The following SUCLA2 variants were observed in gnomAD, a reference collection of about 807,000 sequenced individuals.
The protein encoded by SUCLA2 is succinate-CoA ligase ADP-forming subunit beta.
A neutral mutation model predicts 54.8 loss-of-function variants in SUCLA2; 30 were observed. The observed-to-expected ratio is 0.55, with a 90% CI of 0.41 to 0.74. SUCLA2 has a LOEUF of 0.74. Among genes scored for constraint, SUCLA2 ranks in the 30% least tolerant of loss-of-function variants. The pLI is 0.00. For synonymous variants in SUCLA2, 172 were observed against 188.9 expected, an observed-to-expected ratio of 0.91 and a Z score of 0.74; for missense variants, 476 against 562.9, an observed-to-expected ratio of 0.85 and a Z score of 1.56.
intron 3 of SUCLA2, 59 bp downstream of exon 3, chr13:47,988,823 T>C: frequency 6.3e-7 from 1 of 1,595,306 alleles, no homozygotes; most frequent in Non-Finnish European, 8.6e-7. Context: ...ATCAATTCAA[T>C]AAGTAATCTT....
intron 10 of SUCLA2, chr13:47,945,895 T>TAA (rs1223251404): frequency 6.6e-6 from 1 of 152,272 alleles, no homozygotes; most frequent in Non-Finnish European, 1.5e-5. Flanking sequence ...CCACGCTGTA[T>TAA]AAACTACTCT....
chr13:47,957,426 G>C (rs528552161), intron 6 of SUCLA2, among the ~76,000 whole-genome samples: 139 of 152,248 alleles, frequency 9.1e-4, no homozygotes, highest in African/African-American at 3.3e-3. Flanking sequence ...ATGTGGGCAG[G>C]GAGTCTCAGA....
At position 47,943,248 on chromosome 13, in the gene SUCLA2, G is replaced by A. The variant is rs1004801409; in HGVS notation, c.*123C>T. ...GCAGTCCAAATCCTTTTAAATGTTT[G>A]TGTGCCTAGATGGCAATTACAATCT... is the stretch of plus-strand genomic sequence containing the variant. On this transcript the variant is annotated 3_prime_UTR_variant, in exon 11 of 11. Transcript: ENST00000646932. The A allele has an allele frequency of 1.2e-5, 11 of 944,770 alleles. No individual in the cohort carries two copies. In the South Asian group the frequency reaches 1.3e-4, roughly 11 times the overall value. 58.5% of individuals were successfully genotyped at this position (944,770 alleles called of 1,614,324 possible).
At chr13:47,946,014 G>A (rs190562014) in intron 10 of SUCLA2, 4 of 152,250 alleles carry the variant, frequency 2.6e-5, no homozygotes, top group African/African-American at 9.6e-5. Context: ...ACATCATTAG[G>A]TCAGTAGTAG....
intron 10 of SUCLA2, chr13:47,945,880 C>CG (rs1949727383): frequency 6.6e-6 from 1 of 152,258 alleles, no homozygotes; most frequent in African/African-American, 2.4e-5. Context: ...CTTTGCCCAG[C>CG]GTATCCACGC....
At chr13:47,989,092 A>G (rs1225449011) in intron 2 of SUCLA2, 111 bp from the exon 3 acceptor site, 2 of 1,077,198 alleles carry the variant, frequency 1.9e-6, no homozygotes, top group Non-Finnish European at 1.4e-6. Flanking sequence ...AGTCTAATTT[A>G]TTCACAATGT....
chr13:47,960,422 C>A (rs1378369716), intron 6 of SUCLA2, among the ~76,000 whole-genome samples: 2 of 151,766 alleles, frequency 1.3e-5, no homozygotes, highest in East Asian at 1.9e-4. Context: ...GGCACACACA[C>A]AAAAATAATA....
At chr13:47,982,268 T>A (rs1001955262) in intron 4 of SUCLA2, among the ~76,000 whole-genome samples, 3 of 152,098 alleles carry the variant, frequency 2.0e-5, no homozygotes, top group Non-Finnish European at 4.4e-5. Flanking sequence ...TACTCAGCCA[T>A]AAATAAGGAA....
chr13:47,998,204 G>A (rs1464155564), intron 1 of SUCLA2, among the ~76,000 whole-genome samples: 1 of 151,338 alleles, frequency 6.6e-6, no homozygotes, highest in Non-Finnish European at 1.5e-5. Flanking sequence ...TTCAGCTCAG[G>A]AGTTTGAGAC....
At chr13:47,969,208 C>T (rs552972811) in intron 5 of SUCLA2, among the ~76,000 whole-genome samples, 2 of 152,218 alleles carry the variant, frequency 1.3e-5, no homozygotes, top group African/African-American at 4.8e-5. Flanking sequence ...CCCATCTCTA[C>T]TAAAAATATA....
intron 4 of SUCLA2, among the ~76,000 whole-genome samples, chr13:47,984,682 A>G (rs953465570): frequency 3.9e-5 from 6 of 152,272 alleles, no homozygotes; most frequent in Admixed American, 1.3e-4. Context: ...AGGCTGAGGC[A>G]GGGGAATCAC....
Position 47,980,522 on chromosome 13 carries a change from C to T in SUCLA2, c.535-7130G>A, listed in dbSNP as rs1950052262. 2.0e-5 allele frequency among the ~76,000 whole-genome samples: 3 copies of T among 152,102 alleles called. No individual in the cohort carries two copies. In the South Asian group the frequency reaches 6.2e-4, roughly 31 times the overall value. On this transcript the variant is annotated intron_variant, in intron 4 of 10. Coordinates refer to ENST00000646932, the MANE Select transcript of SUCLA2 (RefSeq NM_003850.3). ...ATATTGTTAAACTGTGCATACTACC[C>T]TAAGCAATCTACAGATTCAATGTAA...
chr13:47,973,824 C>G (rs536538112), intron 4 of SUCLA2, among the ~76,000 whole-genome samples: 1 of 152,224 alleles, frequency 6.6e-6, no homozygotes, highest in South Asian at 2.1e-4. Flanking sequence ...TCATTCTCAA[C>G]AAACTAACAC....
At chr13:47,992,802 A>C (rs2137748546) in intron 2 of SUCLA2, among the ~76,000 whole-genome samples, 1 of 152,392 alleles carries the variant, frequency 6.6e-6, no homozygotes, top group African/African-American at 2.4e-5. Flanking sequence ...ATGCCATTAG[A>C]AATCTCCCTC....
At chr13:47,963,605 A>C (rs1056323148) in intron 6 of SUCLA2, among the ~76,000 whole-genome samples, 14 of 152,162 alleles carry the variant, frequency 9.2e-5, no homozygotes, top group Non-Finnish European at 4.4e-5. Context: ...AGATCACGCC[A>C]CTGCACTCCA....
At chr13:47,943,555 T>C (rs1163321120) in intron 10 of SUCLA2, 110 bp from the exon 11 acceptor site, 38 of 912,788 alleles carry the variant, frequency 4.2e-5, no homozygotes, top group Admixed American at 1.9e-5. Flanking sequence ...TGGACTATTC[T>C]GACATTGCTA....
At chr13:47,948,388 TGTGC>T (rs777659733) in intron 10 of SUCLA2, among the ~76,000 whole-genome samples, 1 of 145,742 alleles carries the variant, frequency 6.9e-6, no homozygotes, top group African/African-American at 2.4e-5. Context: ...TGCATGTGTG[TGTGC>T]GCACATGTGT....
intron 4 of SUCLA2, among the ~76,000 whole-genome samples, chr13:47,976,673 G>A (rs1256990980): frequency 6.6e-6 from 1 of 152,122 alleles, no homozygotes; most frequent in African/African-American, 2.4e-5. Flanking sequence ...TTTTTTAACA[G>A]GTTGAGTACT....
intron 2 of SUCLA2, 111 bp downstream of exon 2, chr13:47,996,732 A>C (rs1269103513): frequency 3.2e-6 from 3 of 947,274 alleles, no homozygotes; most frequent in Non-Finnish European, 4.7e-6. Flanking sequence ...AAGCAAAGAA[A>C]ATGTATTTTT....
Sources: gnomAD v4.1 joint callset for allele counts (sites outside exome capture counted in the v4.1 genomes callset) on GRCh38, gnomAD v4.1.1 for gene constraint, MANE v1.5 for transcripts, NCBI Gene and HGNC (gene_info 2026-07-23, HGNC 2026-07-21) for gene names.